The following ABCA13 variants were observed in gnomAD, a reference collection of about 807,000 sequenced individuals.
ABCA13 encodes the protein ATP binding cassette subfamily A member 13, also known as ATP-binding cassette sub-family A member 13.
In ABCA13, 476 loss-of-function variants were observed where a neutral mutation model predicts 478.7. The ratio of observed to expected loss-of-function variants is 0.99; its 90% CI spans 0.92 to 1.07. ABCA13 has a LOEUF of 1.07. Ranked by LOEUF, ABCA13 falls within the 50% of genes least tolerant of loss-of-function variation. The probability of loss-of-function intolerance (pLI) is 0.00; values close to 1 mark genes in which losing one functional copy is unlikely to be tolerated. For synonymous variants in ABCA13, 2,252 were observed against 2,158.9 expected (o/e 1.04, Z -1.20); for missense variants, 6,060 against 5,910.6 (o/e 1.03, Z -0.83).
Position 48,275,269 on chromosome 7 carries a change from G to T in ABCA13, c.5603G>T (p.Gly1868Val). 1.2e-6 allele frequency: 2 copies of T among 1,613,846 alleles called. No individual in the cohort carries two copies. Among genetic ancestry groups the T allele is most frequent in the Non-Finnish European group, 1.7e-6 (2 of 1,179,840 alleles). ...ILDHFHLSPQ[G>V]EDSPCSNESS... ...GATCATTTCCACCTGTCTCCCCAAG[G>T]TGAAGATTCACCATGTTCAAATGAA... Residue 1868 changes from glycine (G) to valine (V), a missense_variant, in exon 17 of 62, where the codon GGT (glycine) becomes GTT (valine). By Grantham distance (109) the Gly-to-Val change is moderately radical. Coordinates refer to ENST00000435803, the MANE Select transcript of ABCA13 (RefSeq NM_152701.5).
chr7:48,511,554 T>G lies in ABCA13; in HGVS notation c.13640+355T>G, dbSNP rs1831685353. Among the ~76,000 whole-genome samples the G allele has an allele frequency of 2.0e-5, 3 of 152,226 alleles. 1 individual carries two copies. In the South Asian group the frequency reaches 6.2e-4, roughly 32 times the overall value. ...AACTCGGAGATTGCATTTGTGGAGG[T>G]TCTCTCAGCAAGCTCTCTGGCATTT... On this transcript the variant is annotated intron_variant, in intron 51 of 61. Transcript: ENST00000435803.
In ABCA13 at chr7:48,279,724, T is replaced by G. The variant is rs1796773999; in HGVS notation, c.8530T>G (p.Leu2844Val). 6.2e-7 allele frequency: 1 copy of G among 1,613,430 alleles called. No homozygotes were observed. The highest frequency in any genetic ancestry group is 2.2e-5 in the East Asian group (1 of 44,816). The change falls in exon 18 of 62, where the codon TTG becomes GTG. Residue 2844 changes from leucine to valine, a missense_variant. Physicochemically the swap from Leu to Val is conservative, Grantham distance 32. Transcript: ENST00000435803. ...TGAATGGATAACTTCCACAAGAACT[T>G]TGTTTCAGCCACTTTTTGAGATTTT... ...NSEWITSTRT[L>V]FQPLFEIFIK... is the part of the protein sequence containing the mutation.
At chr7:48,183,851 A>G (rs1796023309) in intron 1 of ABCA13, among the ~76,000 whole-genome samples, 1 of 152,156 alleles carries the variant, frequency 6.6e-6, no homozygotes, top group Non-Finnish European at 1.5e-5. Context: ...TTTCGCAAGT[A>G]ATGTTGTGTA....
Position 48,272,147 on chromosome 7 carries a change from T to C in ABCA13, c.2481T>C (p.Leu827=). Residue 827 remains leucine (L), a synonymous_variant, in exon 17 of 62, where the codon CTT becomes CTC. Transcript: ENST00000435803. ...KNLLRFIELI[L]FEINPKLLEL... ...TTTTGAGATTCATAGAATTAATACT[T>C]TTTGAAATTAATCCCAAATTACTAG... is the stretch of plus-strand genomic sequence containing the variant. The C allele has an allele frequency of 6.2e-7, 1 of 1,613,264 alleles. No homozygotes were observed. The highest frequency in any genetic ancestry group is 1.7e-5 in the Admixed American group (1 of 59,924).
At chr7:48,528,457 C>A in intron 55 of ABCA13, 112 bp downstream of exon 55, 1 of 723,762 alleles carries the variant, frequency 1.4e-6, no homozygotes, top group Non-Finnish European at 2.1e-6. Flanking sequence ...CATTTTCCTC[C>A]AAATTTACCT....
rs113452211 is a variant in ABCA13 at position 48,245,570 on chromosome 7, A to G, written c.1449A>G (p.Gln483=). 9.1e-3 allele frequency: 14,699 copies of G among 1,613,162 alleles called. 124 individuals are homozygous for G. Among genetic ancestry groups the G allele is most frequent in the Middle Eastern group, 0.056 (338 of 6,054 alleles). ...ATTTTAAATGGTTTGAACTTAACCA[A>G]TTGAAACTGGAAAAGGATGTGTTCT... ...ANDFKWFELN[Q]LKLEKDVFFW... Residue 483 remains glutamine (Q), a synonymous_variant, in exon 12 of 62, where the codon CAA becomes CAG. Coordinates refer to ENST00000435803, the MANE Select transcript of ABCA13 (RefSeq NM_152701.5).
intron 29 of ABCA13, among the ~76,000 whole-genome samples, chr7:48,348,848 A>G (rs1004966280): frequency 1.3e-5 from 2 of 152,188 alleles, no homozygotes; most frequent in Non-Finnish European, 2.9e-5. Context: ...TTCTTCTACT[A>G]TGTGTTAGGC....
intron 41 of ABCA13, among the ~76,000 whole-genome samples, chr7:48,424,080 A>G (rs1322750645): frequency 2.0e-5 from 3 of 152,240 alleles, no homozygotes; most frequent in African/African-American, 7.2e-5. Context: ...GTCATTCCAT[A>G]CTAAATGCAC....
chr7:48,400,193 T>C (rs2129069137), intron 38 of ABCA13, among the ~76,000 whole-genome samples: 1 of 152,322 alleles, frequency 6.6e-6, no homozygotes, highest in South Asian at 2.1e-4. Flanking sequence ...TACTTACCTA[T>C]ACTCTTATTA....
intron 16 of ABCA13, among the ~76,000 whole-genome samples, chr7:48,271,573 T>C (rs1180714191): frequency 2.0e-5 from 3 of 152,168 alleles, no homozygotes; most frequent in Admixed American, 6.5e-5. Context: ...TTTTTGGTGG[T>C]AGGAAACATT....
At chr7:48,466,865 C>T in intron 43 of ABCA13, 91 bp from the exon 44 acceptor site, 1 of 1,207,768 alleles carries the variant, frequency 8.3e-7, no homozygotes, top group Non-Finnish European at 1.2e-6. Context: ...CTGACTAGGG[C>T]ACAATGTGAG....
chr7:48,444,710 G>T (rs1824054804), intron 42 of ABCA13, among the ~76,000 whole-genome samples: 1 of 152,102 alleles, frequency 6.6e-6, no homozygotes, highest in Non-Finnish European at 1.5e-5. Flanking sequence ...GGTCAGCTCA[G>T]ATCACCTCTC....
chr7:48,338,191 T>G (rs540615056), intron 28 of ABCA13, among the ~76,000 whole-genome samples, 174 bp from the exon 29 acceptor site: 4 of 152,362 alleles, frequency 2.6e-5, no homozygotes, highest in Admixed American at 2.0e-4. Context: ...CAAGGTAAGC[T>G]TCTAATAAGA....
At chr7:48,362,409 C>CT (rs35795708) in intron 31 of ABCA13, among the ~76,000 whole-genome samples, 5,531 of 86,042 alleles carry the variant, frequency 0.064, 170 homozygotes, top group African/African-American at 0.088. Flanking sequence ...TCCTCTTCTT[C>CT]TTTTTTTTTT....
intron 29 of ABCA13, among the ~76,000 whole-genome samples, chr7:48,341,881 T>TATATATATATATATCTTTCTG (rs1563084697): frequency 1.8e-4 from 5 of 27,670 alleles, no homozygotes; most frequent in East Asian, 8.0e-4. Context: ...ATCTTTCTGA[T>TATATATATATATATCTTTCTG]ATATATATAT....
intron 11 of ABCA13, 96 bp downstream of exon 11, chr7:48,244,799 G>A: frequency 1.4e-6 from 2 of 1,444,008 alleles, no homozygotes; most frequent in Non-Finnish European, 1.8e-6. Context: ...ACATTGTAAA[G>A]TTGGGAGATA....
intron 24 of ABCA13, among the ~76,000 whole-genome samples, chr7:48,311,266 A>C (rs1177547481): frequency 6.6e-6 from 1 of 152,142 alleles, no homozygotes; most frequent in East Asian, 1.9e-4. Context: ...ACACACACAC[A>C]CCCACACACA....
intron 59 of ABCA13, among the ~76,000 whole-genome samples, chr7:48,620,094 G>A (rs1420063666): frequency 1.3e-5 from 2 of 152,158 alleles, no homozygotes; most frequent in Non-Finnish European, 2.9e-5. Flanking sequence ...TAGCATCCAT[G>A]ATGCAGTCAC....
intron 15 of ABCA13, among the ~76,000 whole-genome samples, chr7:48,258,950 T>G (rs1238954900): frequency 6.6e-6 from 1 of 152,132 alleles, no homozygotes; most frequent in East Asian, 1.9e-4. Context: ...TTCCTATTTT[T>G]ATTGTGCTGT....
Sources: gnomAD v4.1 joint callset for allele counts (sites outside exome capture counted in the v4.1 genomes callset) on GRCh38, gnomAD v4.1.1 for gene constraint, MANE v1.5 for transcripts, NCBI Gene and HGNC (gene_info 2026-07-23, HGNC 2026-07-21) for gene names.